Variants in ZFYVE9 observed in about 807,000 individuals in gnomAD.
ZFYVE9 encodes the protein zinc finger FYVE domain-containing protein 9.
Under a neutral mutation model 126.7 loss-of-function variants are expected in ZFYVE9, and 43 were observed. That is an observed-to-expected ratio of 0.34 (90% CI 0.27 to 0.44). The LOEUF is 0.44. ZFYVE9 is among the 20% of genes least tolerant of loss of function. The probability of loss-of-function intolerance (pLI) is 1.00; values close to 1 mark genes in which losing one functional copy is unlikely to be tolerated. For synonymous variants in ZFYVE9, 521 were observed against 597.4 expected (o/e 0.87, Z 1.87); for missense variants, 1,476 against 1,697.0 (o/e 0.87, Z 2.29).
intron 1 of ZFYVE9, among the ~76,000 whole-genome samples, chr1:52,194,805 G>A (rs1023591835): frequency 6.6e-6 from 1 of 152,080 alleles, no homozygotes; most frequent in South Asian, 2.1e-4. Context: ...TAAAAACATG[G>A]AAGCAATCTA....
intron 1 of ZFYVE9, among the ~76,000 whole-genome samples, chr1:52,186,249 AAAAC>A (rs1557445085): frequency 3.2e-4 from 48 of 149,652 alleles, no homozygotes; most frequent in Middle Eastern, 3.4e-3. Flanking sequence ...CAAAAAAAAA[AAAAC>A]AAAACAAAAC....
chr1:52,153,179 C>A (rs2124498457), intron 1 of ZFYVE9, among the ~76,000 whole-genome samples: 1 of 152,314 alleles, frequency 6.6e-6, no homozygotes. Flanking sequence ...CTCCTTGGAC[C>A]TGAATGGCAA....
At chr1:52,298,891 G>C (rs1646004987) in intron 12 of ZFYVE9, among the ~76,000 whole-genome samples, 1 of 142,632 alleles carries the variant, frequency 7.0e-6, no homozygotes, top group African/African-American at 2.7e-5. Flanking sequence ...CTCACTGCAA[G>C]CTCCGCCTCC....
intron 4 of ZFYVE9, among the ~76,000 whole-genome samples, chr1:52,256,096 C>T (rs539579447): frequency 7.3e-5 from 11 of 150,588 alleles, no homozygotes; most frequent in Admixed American, 2.0e-4. Context: ...GATGGAGTCT[C>T]GCTCTGTCTT....
At chr1:52,164,516 C>T (rs541901957) in intron 1 of ZFYVE9, among the ~76,000 whole-genome samples, 3 of 152,210 alleles carry the variant, frequency 2.0e-5, no homozygotes, top group African/African-American at 7.2e-5. Context: ...GCCAAGCCGA[C>T]AATGAGTATA....
At chr1:52,247,815 T>A (rs929801685) in intron 4 of ZFYVE9, among the ~76,000 whole-genome samples, 4 of 152,112 alleles carry the variant, frequency 2.6e-5, no homozygotes, top group Admixed American at 2.6e-4. Flanking sequence ...CATCTCAAAC[T>A]TAATAACTTC....
At chr1:52,239,649 A>G in intron 4 of ZFYVE9, 54 bp downstream of exon 4, 3 of 1,548,076 alleles carry the variant, frequency 1.9e-6, no homozygotes, top group Non-Finnish European at 8.7e-7. Flanking sequence ...GTAATGCTGA[A>G]TTAAATAGTA....
chr1:52,204,531 A>G (rs1315392225), intron 1 of ZFYVE9, among the ~76,000 whole-genome samples: 1 of 152,168 alleles, frequency 6.6e-6, no homozygotes, highest in Non-Finnish European at 1.5e-5. Flanking sequence ...GTTCAAGACC[A>G]GCCTGGCCAA....
intron 2 of ZFYVE9, among the ~76,000 whole-genome samples, chr1:52,216,854 T>C (rs533413897): frequency 1.3e-5 from 2 of 152,334 alleles, no homozygotes; most frequent in South Asian, 2.1e-4. Context: ...TTAATTATGT[T>C]ATTTTATTTT....
chr1:52,156,333 A>G (rs939583512), intron 1 of ZFYVE9, among the ~76,000 whole-genome samples: 3 of 152,138 alleles, frequency 2.0e-5, no homozygotes, highest in South Asian at 2.1e-4. Flanking sequence ...GGTAGATCCA[A>G]CTGGTTCCTG....
intron 16 of ZFYVE9, among the ~76,000 whole-genome samples, chr1:52,338,292 G>A (rs1281640176): frequency 1.3e-5 from 2 of 152,148 alleles, no homozygotes; most frequent in South Asian, 2.1e-4. Flanking sequence ...CTATAAATGA[G>A]TAAACAAGTA....
At chr1:52,339,748 T>C (rs1056394445) in intron 16 of ZFYVE9, among the ~76,000 whole-genome samples, 54 of 152,156 alleles carry the variant, frequency 3.5e-4, no homozygotes, top group African/African-American at 1.2e-3. Flanking sequence ...TCATGACAAG[T>C]ATCATTACAG....
At chr1:52,309,372 G>C (rs1184346666) in intron 13 of ZFYVE9, among the ~76,000 whole-genome samples, 4 of 152,174 alleles carry the variant, frequency 2.6e-5, no homozygotes, top group Non-Finnish European at 5.9e-5. Flanking sequence ...CCAGCTACTT[G>C]GGAGGCTGAG....
intron 1 of ZFYVE9, among the ~76,000 whole-genome samples, chr1:52,210,217 T>G (rs1645014514): frequency 6.6e-6 from 1 of 152,224 alleles, no homozygotes; most frequent in South Asian, 2.1e-4. Context: ...GGTAAGTTCC[T>G]GCGGTGCCAA....
chr1:52,198,366 C>G (rs1169680580), intron 1 of ZFYVE9, among the ~76,000 whole-genome samples: 1 of 151,974 alleles, frequency 6.6e-6, no homozygotes, highest in African/African-American at 2.4e-5. Context: ...GCCTCGACCT[C>G]CCTTACAGGC....
intron 17 of ZFYVE9, among the ~76,000 whole-genome samples, chr1:52,342,533 G>A (rs1206076894): frequency 1.0e-5 from 1 of 98,810 alleles, no homozygotes; most frequent in Non-Finnish European, 1.9e-5. Context: ...GCCTCCCAAA[G>A]TGCCTTTTTT....
intron 1 of ZFYVE9, among the ~76,000 whole-genome samples, chr1:52,202,290 G>GT (rs1644930655): frequency 2.0e-5 from 3 of 150,378 alleles, no homozygotes; most frequent in South Asian, 2.1e-4. Flanking sequence ...GTTTTGTTTT[G>GT]TTTTTTTAAG....
intron 10 of ZFYVE9, among the ~76,000 whole-genome samples, chr1:52,284,671 G>A (rs560272167): frequency 5.9e-5 from 9 of 152,122 alleles, no homozygotes; most frequent in South Asian, 2.1e-4. Flanking sequence ...CGCCCGCCTC[G>A]GCCTCCGAAA....
intron 8 of ZFYVE9, 106 bp downstream of exon 8, chr1:52,274,690 C>A: frequency 8.0e-7 from 1 of 1,253,634 alleles, no homozygotes; most frequent in Non-Finnish European, 1.1e-6. Flanking sequence ...TTCTCTTATC[C>A]AACAAAACAA....
Sources: allele counts gnomAD v4.1 joint callset (sites outside exome capture counted in the v4.1 genomes callset), GRCh38; gene constraint gnomAD v4.1.1; transcripts MANE v1.5; gene names NCBI Gene and HGNC (gene_info 2026-07-23, HGNC 2026-07-21).